The following SEMA6A variants were observed in gnomAD, a reference collection of about 807,000 sequenced individuals.
The protein encoded by SEMA6A is semaphorin-6A.
Under a neutral mutation model 96.8 loss-of-function variants are expected in SEMA6A, and 25 were observed. The ratio of observed to expected loss-of-function variants is 0.26; its 90% CI spans 0.19 to 0.36. The LOEUF (loss-of-function observed/expected upper bound fraction) is 0.36, where lower values mean the gene tolerates loss of function less well. SEMA6A is among the 10% of genes least tolerant of loss of function. The pLI is 1.00. For synonymous variants in SEMA6A, 612 were observed against 518.0 expected (o/e 1.18, Z -2.46); for missense variants, 1,363 against 1,323.1 (o/e 1.03, Z -0.47).
intron 18 of SEMA6A, among the ~76,000 whole-genome samples, chr5:116,465,874 TTTCTC>T (rs1250147548): frequency 1.3e-5 from 2 of 152,084 alleles, no homozygotes; most frequent in African/African-American, 4.8e-5. Context: ...TCTACTGAGT[TTTCTC>T]TTCTTGAGAA....
At position 116,488,878 on chromosome 5, in the gene SEMA6A, G is replaced by A. The variant is rs1757192325; in HGVS notation, c.655+10C>T. On this transcript the variant is annotated intron_variant, in intron 8 of 18. Coordinates refer to ENST00000343348, the MANE Select transcript of SEMA6A (RefSeq NM_020796.5). Reference sequence around the variant, plus strand: ...CCCTCCGACCCTCCTTCTTTTAATTGTTTGTTCACCTTTCAACCATTTTGA... The same window carrying A: ...CCCTCCGACCCTCCTTCTTTTAATTATTTGTTCACCTTTCAACCATTTTGA... 4 of 1,555,000 alleles carry A rather than the reference G, an allele frequency of 2.6e-6. No homozygotes were observed. Among genetic ancestry groups the A allele is most frequent in the Middle Eastern group, 1.7e-4 (1 of 5,966 alleles).
intron 9 of SEMA6A, among the ~76,000 whole-genome samples, chr5:116,487,504 G>A (rs1757117333): frequency 6.6e-6 from 1 of 151,934 alleles, no homozygotes; most frequent in Non-Finnish European, 1.5e-5. Flanking sequence ...CAGTCTCTGT[G>A]GAGCAACTCA....
At chr5:116,454,452 C>T (rs540845679) in intron 18 of SEMA6A, among the ~76,000 whole-genome samples, 1 of 152,262 alleles carries the variant, frequency 6.6e-6, no homozygotes, top group East Asian at 1.9e-4. Flanking sequence ...TCCAGGCTCA[C>T]GGTCCTGCAA....
intron 1 of SEMA6A, among the ~76,000 whole-genome samples, chr5:116,524,677 A>T (rs988068772): frequency 3.3e-5 from 5 of 152,196 alleles, no homozygotes; most frequent in Non-Finnish European, 1.5e-5. Context: ...AGCAAATGCT[A>T]CACTTAGGGT....
chr5:116,566,408 C>G (rs1056922313), intron 1 of SEMA6A, among the ~76,000 whole-genome samples: 2 of 152,226 alleles, frequency 1.3e-5, no homozygotes, highest in African/African-American at 4.8e-5. Context: ...GAGGAAGTAT[C>G]TATTACTAAC....
intron 2 of SEMA6A, chr5:116,502,536 G>T: frequency 1.9e-6 from 1 of 532,614 alleles, no homozygotes. Flanking sequence ...TTCATTTCTA[G>T]ATAATTATAA....
intron 15 of SEMA6A, among the ~76,000 whole-genome samples, chr5:116,476,851 C>T (rs751805145): frequency 6.6e-6 from 1 of 152,192 alleles, no homozygotes; most frequent in East Asian, 1.9e-4. Flanking sequence ...TAATAATATA[C>T]AGAGACTCAA....
At chr5:116,480,775 G>A (rs1333730862) in intron 11 of SEMA6A, among the ~76,000 whole-genome samples, 1 of 152,108 alleles carries the variant, frequency 6.6e-6, no homozygotes, top group African/African-American at 2.4e-5. Context: ...CCTGGGGCTC[G>A]CTCAGAGAAC....
At position 116,443,928 on chromosome 5, in the gene SEMA6A, G is replaced by C. The variant is rs1256498672; in HGVS notation, c.*2685C>G. 6.6e-6 allele frequency: 1 copy of C among 152,438 alleles called. No individual in the cohort carries two copies. Among genetic ancestry groups the C allele is most frequent in the Non-Finnish European group, 1.5e-5 (1 of 68,056 alleles). The allele number at this position is 152,438 out of a possible 1,614,324, so 9.4% of individuals were successfully genotyped here. On this transcript the variant is annotated 3_prime_UTR_variant, in exon 19 of 19. Coordinates refer to ENST00000343348, the MANE Select transcript of SEMA6A (RefSeq NM_020796.5). The stretch of plus-strand genomic sequence containing the variant: ...GGGTTAACACCAGAAGTGATGGGTT[G>C]TGGGGGTGTAGGAATGTGGATGTAA...
intron 18 of SEMA6A, among the ~76,000 whole-genome samples, chr5:116,464,953 G>T (rs1026544975): frequency 1.3e-5 from 2 of 152,078 alleles, no homozygotes; most frequent in African/African-American, 2.4e-5. Flanking sequence ...GCTGGTCAGC[G>T]GGCACATTTT....
chr5:116,522,127 T>C (rs1327295222), intron 1 of SEMA6A, among the ~76,000 whole-genome samples: 2 of 152,190 alleles, frequency 1.3e-5, no homozygotes, highest in African/African-American at 4.8e-5. Context: ...GCAGTTCTCA[T>C]ATATAAGCAA....
Position 116,475,583 on chromosome 5 carries a change from A to G in SEMA6A, c.1670T>C (p.Ile557Thr). ...PNSRLTFEQD[I>T]ERGNTDGLGD... Reference sequence around the variant, plus strand: ...CAGACCATCTGTATTGCCACGCTCTATGTCCTGCTCAAAAGTCAGTCTTTT... The same window carrying G: ...CAGACCATCTGTATTGCCACGCTCTGTGTCCTGCTCAAAAGTCAGTCTTTT... Residue 557 changes from isoleucine (I) to threonine (T), a missense_variant, in exon 16 of 19, where the codon ATA becomes ACA. Coordinates refer to ENST00000343348, the MANE Select transcript of SEMA6A (RefSeq NM_020796.5). 6.2e-7 allele frequency: 1 copy of G among 1,604,152 alleles called. No homozygotes were observed. Among genetic ancestry groups the G allele is most frequent in the Non-Finnish European group, 8.5e-7 (1 of 1,175,094 alleles).
At chr5:116,518,649 T>C (rs1310227866) in intron 1 of SEMA6A, among the ~76,000 whole-genome samples, 2 of 152,252 alleles carry the variant, frequency 1.3e-5, no homozygotes, top group Admixed American at 6.5e-5. Context: ...CGTGTCACTC[T>C]AGCATAGCAC....
rs778461903 is a variant in SEMA6A, at chr5:116,488,116, T to C, written c.736A>G (p.Met246Val). 2.5e-5 allele frequency: 40 copies of C among 1,604,044 alleles called. No homozygotes were observed. Among genetic ancestry groups the C allele is most frequent in the Non-Finnish European group, 3.2e-5 (37 of 1,172,038 alleles). Reference protein sequence around the residue: ...FREIAVEYNTMGKVVFPRVAQ... With the variant: ...FREIAVEYNTVGKVVFPRVAQ... ...ACAGCATCCCCTCTTACCTTTCCCA[T>C]GGTGTTATACTCCACTGCTATTTCC... The change falls in exon 9 of 19, where the codon ATG (methionine) becomes GTG (valine). Residue 246 changes from methionine to valine, a missense_variant. Around this residue, in one of 2 missense-constraint regions of SEMA6A, gnomAD observed 480 missense variants for 559.5 expected, o/e 0.86. Transcript: ENST00000343348.
intron 1 of SEMA6A, among the ~76,000 whole-genome samples, chr5:116,542,782 C>T (rs1353977364): frequency 6.6e-6 from 1 of 152,172 alleles, no homozygotes; most frequent in Non-Finnish European, 1.5e-5. Flanking sequence ...CTGGGCTGAA[C>T]AGCACAGTGC....
At chr5:116,485,826 GCA>G (rs1264053867) in intron 10 of SEMA6A, among the ~76,000 whole-genome samples, 4 of 152,274 alleles carry the variant, frequency 2.6e-5, no homozygotes, top group African/African-American at 7.2e-5. Flanking sequence ...TCACGACCAT[GCA>G]CACTGTTAGG....
chr5:116,551,947 T>G (rs796562112), intron 1 of SEMA6A, among the ~76,000 whole-genome samples: 12 of 152,332 alleles, frequency 7.9e-5, no homozygotes, highest in African/African-American at 2.9e-4. Context: ...TGCCAGATGT[T>G]TGTCACAAGG....
chr5:116,487,533 A>C (rs1757120183), intron 9 of SEMA6A, among the ~76,000 whole-genome samples: 1 of 152,192 alleles, frequency 6.6e-6, no homozygotes, highest in Non-Finnish European at 1.5e-5. Context: ...AAAAAAAACA[A>C]AACTGTTGAG....
chr5:116,467,891 GGT>G, intron 17 of SEMA6A, 144 bp from the exon 18 acceptor site: 2 of 624,672 alleles, frequency 3.2e-6, no homozygotes, highest in Non-Finnish European at 2.7e-6. Flanking sequence ...TAGTGGTGGT[GGT>G]GGTGGTGGTG....
Sources: gnomAD v4.1 joint callset for allele counts (sites outside exome capture counted in the v4.1 genomes callset) on GRCh38, gnomAD v4.1.1 for gene constraint, gnomAD v4.1.1 regional missense constraint, MANE v1.5 for transcripts, NCBI Gene and HGNC (gene_info 2026-07-23, HGNC 2026-07-21) for gene names.